Variants in MRPS6 observed in about 807,000 individuals in gnomAD.
MRPS6 encodes the protein small ribosomal subunit protein bS6m.
MRPS6 carries 6 observed loss-of-function variants against 13.1 expected under a neutral mutation model. The ratio of observed to expected loss-of-function variants is 0.46; its 90% CI spans 0.25 to 0.91. The LOEUF (loss-of-function observed/expected upper bound fraction) is 0.91, where lower values mean the gene tolerates loss of function less well. MRPS6 is among the 40% of genes least tolerant of loss of function. MRPS6 has a pLI of 0.18. For missense variants in MRPS6, 164 were observed against 155.6 expected (o/e 1.05, Z -0.29); for synonymous variants, 61 against 56.5 (o/e 1.08, Z -0.36).
chr21:34,079,584 C>T (rs548978519), intron 1 of MRPS6, among the ~76,000 whole-genome samples: 16 of 141,694 alleles, frequency 1.1e-4, no homozygotes, highest in Admixed American at 2.9e-4. Flanking sequence ...TACAGGCATG[C>T]GCCACCAGAC....
intron 1 of MRPS6, among the ~76,000 whole-genome samples, chr21:34,120,247 T>A (rs2148667485): frequency 6.6e-6 from 1 of 152,276 alleles, no homozygotes. Context: ...GAGTTCAACC[T>A]CCCACCCATG....
chr21:34,136,179 G>C, intron 2 of MRPS6: 1 of 158,112 alleles, frequency 6.3e-6, no homozygotes, highest in South Asian at 1.7e-4. Flanking sequence ...ACGGAGTCTT[G>C]CTCTGCCACC....
Position 34,132,858 on chromosome 21 carries a change from C to G in MRPS6, c.185+7378C>G, listed in dbSNP as rs576111210. On this transcript the variant is annotated intron_variant, in intron 2 of 2. Coordinates refer to ENST00000399312, the MANE Select transcript of MRPS6 (RefSeq NM_032476.4). Reference sequence around the variant, plus strand: ...TTCTTGTGTCCTGGAGTCAAAAGACCTGCTCTGTTTGAATCCTGGCAGTGA... The same window carrying G: ...TTCTTGTGTCCTGGAGTCAAAAGACGTGCTCTGTTTGAATCCTGGCAGTGA... Among the ~76,000 whole-genome samples the G allele has an allele frequency of 1.1e-4, 16 of 152,288 alleles. No homozygotes were observed. The South Asian group carries it at 3.1e-3, about 30-fold the overall frequency.
chr21:34,120,912 G>T (rs890219541), intron 1 of MRPS6, among the ~76,000 whole-genome samples: 1 of 152,152 alleles, frequency 6.6e-6, no homozygotes, highest in Admixed American at 6.5e-5. Context: ...GTGGCTTCAA[G>T]TTATGTTAGA....
chr21:34,100,890 T>C (rs1308127632), intron 1 of MRPS6: 13 of 1,000,116 alleles, frequency 1.3e-5, no homozygotes, highest in Non-Finnish European at 1.6e-5. Context: ...AGTTACTTGC[T>C]ACTCAAAGGT....
intron 2 of MRPS6, among the ~76,000 whole-genome samples, chr21:34,125,882 G>A (rs1980287445): frequency 1.3e-5 from 2 of 152,192 alleles, no homozygotes; most frequent in African/African-American, 4.8e-5. Context: ...TTTGACTGAT[G>A]TATGTAACCT....
At position 34,112,060 on chromosome 21, in the gene MRPS6, C is replaced by T. The variant is rs1258559603; in HGVS notation, c.46-13281C>T. On this transcript the variant is annotated intron_variant, in intron 1 of 2. Coordinates refer to ENST00000399312, the MANE Select transcript of MRPS6 (RefSeq NM_032476.4). ...TGACTAGTGGGATGTGCATTAACTT[C>T]ATTATGCATCTCTGTCTTTCAAAAA... 2.6e-5 allele frequency among the ~76,000 whole-genome samples: 4 copies of T among 152,268 alleles called. No homozygotes were observed. In the East Asian group the frequency reaches 7.7e-4, roughly 29 times the overall value.
At chr21:34,110,133 C>T (rs1328948682) in intron 1 of MRPS6, among the ~76,000 whole-genome samples, 3 of 152,036 alleles carry the variant, frequency 2.0e-5, no homozygotes, top group South Asian at 2.1e-4. Context: ...AAGTGCTAAG[C>T]GATGAAAATT....
chr21:34,081,026 C>T (rs1032010788), intron 1 of MRPS6, among the ~76,000 whole-genome samples: 2 of 152,024 alleles, frequency 1.3e-5, no homozygotes, highest in Non-Finnish European at 2.9e-5. Flanking sequence ...CCTTTGTTTC[C>T]TGAAAACCAA....
At position 34,083,285 on chromosome 21, in the gene MRPS6, A is replaced by G. The variant is rs936210686; in HGVS notation, c.45+9540A>G. Among the ~76,000 whole-genome samples, 9 of 152,324 alleles carry G rather than the reference A, an allele frequency of 5.9e-5. No homozygotes were observed. In the Middle Eastern group the frequency reaches 0.01, roughly 173 times the overall value. ...GCTGGGAAGATGCTCTTGCAAATCC[A>G]TGTGTCGTCTTTGCTTCCGTTAGAA... is the stretch of plus-strand genomic sequence containing the variant. On this transcript the variant is annotated intron_variant, in intron 1 of 2. Coordinates refer to ENST00000399312, the MANE Select transcript of MRPS6 (RefSeq NM_032476.4).
At chr21:34,129,717 T>C (rs1980433665) in intron 2 of MRPS6, among the ~76,000 whole-genome samples, 2 of 152,166 alleles carry the variant, frequency 1.3e-5, no homozygotes, top group Admixed American at 6.5e-5. Flanking sequence ...TCTGTAGTTT[T>C]CCCGTTAGCT....
At chr21:34,102,254 C>T (rs982028104) in intron 1 of MRPS6, 1 of 999,774 alleles carries the variant, frequency 1.0e-6, no homozygotes, top group African/African-American at 1.7e-5. Flanking sequence ...AGTCCCACAC[C>T]ATTATTCACT....
intron 1 of MRPS6, chr21:34,098,560 G>A (rs1426989564): frequency 1.6e-5 from 16 of 1,000,168 alleles, no homozygotes; most frequent in Admixed American, 6.1e-5. Context: ...CAAACTGGCC[G>A]TCGGTAACAG....
intron 2 of MRPS6, among the ~76,000 whole-genome samples, chr21:34,135,027 T>C (rs8132699): frequency 0.032 from 4,947 of 152,266 alleles, 224 homozygotes; most frequent in African/African-American, 0.096. Context: ...TAGACTTACA[T>C]AGAATTGGAT....
chr21:34,094,204 T>G (rs1471019073), intron 1 of MRPS6, among the ~76,000 whole-genome samples: 1 of 152,182 alleles, frequency 6.6e-6, no homozygotes, highest in Non-Finnish European at 1.5e-5. Context: ...TTTAGTTTTG[T>G]GTGGAATGTC....
chr21:34,096,070 A>T lies in MRPS6; in HGVS notation c.45+22325A>T. 6.2e-7 allele frequency: 1 copy of T among 1,614,084 alleles called. No homozygotes were observed. ...GTGCAGAGGGTCCTTGCAGCCAAAAACATTGCTCATGCCAAAGGCTCTACT... is the reference window on the plus strand; with the variant it reads ...GTGCAGAGGGTCCTTGCAGCCAAAATCATTGCTCATGCCAAAGGCTCTACT... On this transcript the variant is annotated intron_variant, in intron 1 of 2. Coordinates refer to ENST00000399312, the MANE Select transcript of MRPS6 (RefSeq NM_032476.4). This position sits in a 1 kb window ranked among gnomAD's most constrained non-coding sequence, Gnocchi z 5.9.
intron 1 of MRPS6, chr21:34,098,747 T>TG: frequency 1.0e-6 from 1 of 1,000,212 alleles, no homozygotes; most frequent in Non-Finnish European, 1.2e-6. Flanking sequence ...GGCACCCACT[T>TG]GCAGCTAGTG....
Position 34,138,134 on chromosome 21 carries a change from G to A in MRPS6, c.186-4274G>A, listed in dbSNP as rs542629943. ...TTGAGATGTGTCTTCCTTTTTTCTC[G>A]GTGAATTTGTATCAGAATTGGTATT... On this transcript the variant is annotated intron_variant, in intron 2 of 2. Transcript: ENST00000399312. Among the ~76,000 whole-genome samples, 14 of 151,592 alleles carry A rather than the reference G, an allele frequency of 9.2e-5. No individual in the cohort carries two copies. The East Asian group carries it at 1.9e-3, about 21-fold the overall frequency.
chr21:34,125,608 A>G (rs560156166), intron 2 of MRPS6, 128 bp downstream of exon 2: 247 of 1,376,848 alleles, frequency 1.8e-4, no homozygotes, highest in Non-Finnish European at 2.4e-4. Flanking sequence ...TCCTTTGGGT[A>G]CACACTCTGG....
Sources: gnomAD v4.1 joint callset for allele counts (sites outside exome capture counted in the v4.1 genomes callset) on GRCh38, gnomAD v4.1.1 for gene constraint, Gnocchi (gnomAD v3.1) non-coding constraint, MANE v1.5 for transcripts, NCBI Gene and HGNC (gene_info 2026-07-23, HGNC 2026-07-21) for gene names.